Variants in YWHAE observed in about 807,000 individuals in gnomAD.
YWHAE encodes the protein tyrosine 3-monooxygenase/tryptophan 5-monooxygenase activation protein epsilon, also known as 14-3-3 protein epsilon.
Under a neutral mutation model 30.1 loss-of-function variants are expected in YWHAE, and 4 were observed. The observed-to-expected ratio is 0.13, with a 90% CI of 0.07 to 0.30. The LOEUF (loss-of-function observed/expected upper bound fraction) is 0.30, where lower values mean the gene tolerates loss of function less well. Ranked by LOEUF, YWHAE falls within the 10% of genes least tolerant of loss-of-function variation. The pLI is 1.00. For synonymous variants in YWHAE, 118 were observed against 111.8 expected (o/e 1.06, Z -0.35); for missense variants, 121 against 315.9 (o/e 0.38, Z 4.68).
intron 1 of YWHAE, among the ~76,000 whole-genome samples, chr17:1,373,811 A>T (rs1178639067): frequency 2.6e-5 from 4 of 152,154 alleles, no homozygotes; most frequent in African/African-American, 9.7e-5. Flanking sequence ...TTCTGTAAAA[A>T]TGTAGTATCT....
chr17:1,379,807 G>A (rs961965326), intron 1 of YWHAE, among the ~76,000 whole-genome samples: 1 of 152,144 alleles, frequency 6.6e-6, no homozygotes, highest in East Asian at 1.9e-4. Flanking sequence ...TTTAATTTAA[G>A]CAAAGATTTA....
intron 1 of YWHAE, among the ~76,000 whole-genome samples, chr17:1,384,824 G>A (rs536888866): frequency 4.6e-5 from 7 of 152,076 alleles, no homozygotes; most frequent in South Asian, 2.1e-4. Flanking sequence ...TCCTGCCTCC[G>A]CCTCCTGGGA....
rs1567963514 is a variant in YWHAE, at chr17:1,361,243, C to T, written c.427G>A (p.Glu143Lys). Residue 143 changes from glutamate to lysine, a missense_variant, in exon 4 of 6, where the codon GAG (glutamate) becomes AAG (lysine). Glu to Lys is a moderately conservative substitution (Grantham distance 56, BLOSUM62 1). Transcript: ENST00000264335. Reference protein sequence around the residue: ...AEFATGNDRKEAAENSLVAYK... With the variant: ...AEFATGNDRKKAAENSLVAYK... ...GCCACTAGGCTGTTCTCCGCAGCCTCCTTCCTGTCGTTTCCTGTGGCAAAT... is the reference window on the plus strand; with the variant it reads ...GCCACTAGGCTGTTCTCCGCAGCCTTCTTCCTGTCGTTTCCTGTGGCAAAT... The T allele has an allele frequency of 6.2e-7, 1 of 1,613,590 alleles. No individual in the cohort carries two copies.
intron 5 of YWHAE, among the ~76,000 whole-genome samples, chr17:1,349,804 C>T (rs1380369004): frequency 6.6e-6 from 1 of 151,792 alleles, no homozygotes. Context: ...TTAGTAGAGA[C>T]GGGGTTTCAC....
intron 4 of YWHAE, among the ~76,000 whole-genome samples, chr17:1,355,116 TAAAAAAAAAAA>T (rs869230957): frequency 2.9e-4 from 5 of 17,184 alleles, no homozygotes; most frequent in Non-Finnish European, 4.2e-4. Flanking sequence ...CAAGATTTTT[TAAAAAAAAAAA>T]AAAAAAAAAA....
Position 1,354,220 on chromosome 17 carries a change from G to C in YWHAE, c.706C>G (p.Gln236Glu). ...DNLTLWTSDM[Q>E]GDGEEQNKEA... The stretch of plus-strand genomic sequence containing the variant: ...CTCCGTGCTTGCTTACCGTCACCCT[G>C]CATGTCTGAAGTCCATAGTGTCAGA... Residue 236 changes from glutamine to glutamate, a missense_variant, in exon 5 of 6, where the codon CAG becomes GAG. By Grantham distance (29) the Gln-to-Glu change is conservative. This residue lies in a region of YWHAE where 22 missense variants were observed against 26.6 expected (regional missense o/e 0.83). Coordinates refer to ENST00000264335, the MANE Select transcript of YWHAE (RefSeq NM_006761.5). 6.2e-7 allele frequency: 1 copy of C among 1,613,258 alleles called. No individual in the cohort carries two copies. Among genetic ancestry groups the C allele is most frequent in the South Asian group, 1.1e-5 (1 of 90,788 alleles).
intron 4 of YWHAE, among the ~76,000 whole-genome samples, chr17:1,356,058 A>G (rs2072735560): frequency 6.6e-6 from 1 of 152,170 alleles, no homozygotes; most frequent in Non-Finnish European, 1.5e-5. Flanking sequence ...AGTCCCAGCT[A>G]CTTGGGAGGA....
chr17:1,360,211 C>T lies in YWHAE; in HGVS notation c.578+881G>A, dbSNP rs770210345. Among the ~76,000 whole-genome samples the T allele has an allele frequency of 1.1e-3, 160 of 152,250 alleles. No individual in the cohort carries two copies. The Middle Eastern group carries it at 0.027, about 26-fold the overall frequency. On this transcript the variant is annotated intron_variant, in intron 4 of 5. Transcript: ENST00000264335. ...TCCTGATCTCAGGTGACCCACCCAC[C>T]TCAGCCTCCCAAAGTGCTGGGATTA...
At chr17:1,371,787 T>C (rs2073046661) in intron 1 of YWHAE, among the ~76,000 whole-genome samples, 2 of 152,140 alleles carry the variant, frequency 1.3e-5, no homozygotes, top group South Asian at 4.2e-4. Context: ...GTTAGCTAAA[T>C]CTGGATAATT....
chr17:1,357,994 G>A (rs1010266516), intron 4 of YWHAE, among the ~76,000 whole-genome samples: 2 of 151,688 alleles, frequency 1.3e-5, no homozygotes, highest in South Asian at 2.1e-4. Context: ...CCAACCTACA[G>A]AAGAGGAGAA....
At chr17:1,357,549 C>T (rs2072772127) in intron 4 of YWHAE, among the ~76,000 whole-genome samples, 1 of 151,708 alleles carries the variant, frequency 6.6e-6, no homozygotes, top group South Asian at 2.1e-4. Flanking sequence ...CACTGTACTC[C>T]AGCCACAGCA....
At chr17:1,388,101 G>T (rs138521113) in intron 1 of YWHAE, among the ~76,000 whole-genome samples, 901 of 62,208 alleles carry the variant, frequency 0.014, 11 homozygotes, top group South Asian at 0.018. Flanking sequence ...GGTAATTTTT[G>T]TTTTTTTTTT....
At chr17:1,372,294 C>T (rs1373725965) in intron 1 of YWHAE, among the ~76,000 whole-genome samples, 1 of 152,204 alleles carries the variant, frequency 6.6e-6, no homozygotes, top group Non-Finnish European at 1.5e-5. Flanking sequence ...TAGGCTTTGG[C>T]TTAAGGGAAT....
chr17:1,391,929 T>C (rs531305062), intron 1 of YWHAE, among the ~76,000 whole-genome samples: 1 of 152,060 alleles, frequency 6.6e-6, no homozygotes, highest in African/African-American at 2.4e-5. Flanking sequence ...ACCAAAAAAA[T>C]TTTTTTGCCA....
At chr17:1,396,882 A>G (rs2073480070) in intron 1 of YWHAE, among the ~76,000 whole-genome samples, 1 of 150,126 alleles carries the variant, frequency 6.7e-6, no homozygotes, top group Non-Finnish European at 1.5e-5. Flanking sequence ...TTGGCCTCCC[A>G]AAGTACTGGG....
chr17:1,370,317 G>A (rs540008870), intron 1 of YWHAE, among the ~76,000 whole-genome samples: 1 of 151,602 alleles, frequency 6.6e-6, no homozygotes, highest in Non-Finnish European at 1.5e-5. Flanking sequence ...ATTTTTAGTA[G>A]AGGCGGGGTT....
At chr17:1,390,887 G>A (rs1212026120) in intron 1 of YWHAE, among the ~76,000 whole-genome samples, 4 of 152,136 alleles carry the variant, frequency 2.6e-5, no homozygotes, top group African/African-American at 9.7e-5. Context: ...AGATAAGCCA[G>A]GATCATGGTC....
At chr17:1,388,981 T>C (rs544647200) in intron 1 of YWHAE, among the ~76,000 whole-genome samples, 2 of 152,324 alleles carry the variant, frequency 1.3e-5, no homozygotes, top group South Asian at 4.1e-4. Context: ...TCCTTTCCTT[T>C]TTGAGACAGG....
chr17:1,363,204 CCTCTT>C (rs1352042746), intron 2 of YWHAE, among the ~76,000 whole-genome samples: 5 of 152,032 alleles, frequency 3.3e-5, no homozygotes, highest in Non-Finnish European at 7.4e-5. Flanking sequence ...TTTTTCAGTT[CCTCTT>C]CTCTTATTAT....
Sources: gnomAD v4.1 joint callset for allele counts (sites outside exome capture counted in the v4.1 genomes callset) on GRCh38, gnomAD v4.1.1 for gene constraint, gnomAD v4.1.1 regional missense constraint, MANE v1.5 for transcripts, NCBI Gene and HGNC (gene_info 2026-07-23, HGNC 2026-07-21) for gene names.